SLCO3A1: variants seen among roughly 807,000 people sequenced by gnomAD.
SLCO3A1 encodes PGE1 transporter.
SLCO3A1 carries 27 observed loss-of-function variants against 63.1 expected under a neutral mutation model. The observed-to-expected ratio is 0.43, with a 90% CI of 0.32 to 0.59. SLCO3A1 has a LOEUF of 0.59. Among genes scored for constraint, SLCO3A1 ranks in the 20% least tolerant of loss-of-function variants. The probability of loss-of-function intolerance (pLI) is 0.09; values close to 1 mark genes in which losing one functional copy is unlikely to be tolerated. For synonymous variants in SLCO3A1, 473 were observed against 409.9 expected, an observed-to-expected ratio of 1.15 and a Z score of -1.86; for missense variants, 773 against 945.8, an observed-to-expected ratio of 0.82 and a Z score of 2.40.
intron 9 of SLCO3A1, chr15:92,157,344 C>CCATCATCAAG (rs2048383531): frequency 6.6e-6 from 1 of 152,134 alleles, no homozygotes; most frequent in African/African-American, 2.4e-5. Context: ...AAATACACCA[C>CCATCATCAAG]CATCATCAAG....
chr15:92,090,921 C>CAGA (rs1225576705), intron 2 of SLCO3A1, among the ~76,000 whole-genome samples: 1 of 152,212 alleles, frequency 6.6e-6, no homozygotes, highest in African/African-American at 2.4e-5. Context: ...CCCCACTTTA[C>CAGA]AGAAGAAGAA....
chr15:91,929,964 T>C (rs1899166984), intron 2 of SLCO3A1, among the ~76,000 whole-genome samples: 1 of 152,192 alleles, frequency 6.6e-6, no homozygotes, highest in African/African-American at 2.4e-5. Context: ...TTGGGTTGTT[T>C]CCACCTCTTG....
At chr15:91,871,235 T>G (rs1345803196) in intron 1 of SLCO3A1, among the ~76,000 whole-genome samples, 10 of 152,220 alleles carry the variant, frequency 6.6e-5, no homozygotes, top group Non-Finnish European at 1.3e-4. Context: ...TGAAGACTTA[T>G]GAAATGTCTT....
chr15:92,010,607 C>A (rs1201160835), intron 2 of SLCO3A1, among the ~76,000 whole-genome samples: 2 of 152,106 alleles, frequency 1.3e-5, no homozygotes, highest in Non-Finnish European at 2.9e-5. Flanking sequence ...TGCCATTGTC[C>A]TTACCTGTCT....
Position 92,164,123 on chromosome 15 carries a change from TA to T in SLCO3A1, c.*990del, listed in dbSNP as rs1174845660. 1 of 981,632 alleles carries T rather than the reference TA, an allele frequency of 1.0e-6. No individual in the cohort carries two copies. The highest frequency in any genetic ancestry group is 1.2e-6 in the Non-Finnish European group (1 of 826,548). 60.8% of individuals were successfully genotyped at this position (981,632 alleles called of 1,614,324 possible). ...TTTTAACTACTTCTAAAATCTGTGT[TA>T]ACCCTTCAAGTCACTAACACAGTTC... On this transcript the variant is annotated 3_prime_UTR_variant, in exon 10 of 10. Transcript: ENST00000318445.
intron 2 of SLCO3A1, among the ~76,000 whole-genome samples, chr15:91,919,056 C>G (rs961909359): frequency 2.6e-5 from 4 of 152,196 alleles, no homozygotes; most frequent in Non-Finnish European, 4.4e-5. Context: ...CAGCAGGGAA[C>G]AGAATGATCA....
chr15:91,960,882 T>G (rs1429692312), intron 2 of SLCO3A1, among the ~76,000 whole-genome samples: 1 of 152,198 alleles, frequency 6.6e-6, no homozygotes, highest in Non-Finnish European at 1.5e-5. Context: ...TTCCTTTGAG[T>G]GTCATGTCAG....
intron 4 of SLCO3A1, among the ~76,000 whole-genome samples, chr15:92,112,194 G>A (rs1311585719): frequency 3.9e-5 from 6 of 152,216 alleles, no homozygotes; most frequent in Admixed American, 2.0e-4. Context: ...ACAGGGATGA[G>A]CAGAGACACA....
At chr15:91,861,089 G>A (rs546043227) in intron 1 of SLCO3A1, among the ~76,000 whole-genome samples, 1 of 152,348 alleles carries the variant, frequency 6.6e-6, no homozygotes, top group South Asian at 2.1e-4. Flanking sequence ...TCAGGTGGCA[G>A]TGTATGTTTT....
chr15:91,927,081 G>A (rs1293705230), intron 2 of SLCO3A1, among the ~76,000 whole-genome samples: 1 of 152,102 alleles, frequency 6.6e-6, no homozygotes, highest in Non-Finnish European at 1.5e-5. Context: ...ACTTACAACA[G>A]GAAGCATATA....
intron 2 of SLCO3A1, among the ~76,000 whole-genome samples, chr15:92,028,908 AGTGTGTGTGTGTGT>A (rs61238614): frequency 7.5e-5 from 9 of 120,138 alleles, no homozygotes; most frequent in African/African-American, 1.7e-4. Flanking sequence ...TGCAGGCACA[AGTGTGTGTGTGTGT>A]GTGTGTGTGT....
rs1294973430 is a variant in SLCO3A1, at chr15:91,942,822, C to T, written c.646+26364C>T. 2.0e-5 allele frequency among the ~76,000 whole-genome samples: 3 copies of T among 152,200 alleles called. No homozygotes were observed. The highest frequency in any genetic ancestry group is 2.0e-4 in the Admixed American group (3 of 15,290). On this transcript the variant is annotated intron_variant, in intron 2 of 9. Coordinates refer to ENST00000318445, the MANE Select transcript of SLCO3A1 (RefSeq NM_013272.4). This position sits in a 1 kb window ranked among gnomAD's most constrained non-coding sequence, Gnocchi z 4.1. ...AGTGATCAGGTCACTGATCACTCCT[C>T]CCAAGGAGCTGGAATTACAGGCATG...
intron 2 of SLCO3A1, among the ~76,000 whole-genome samples, chr15:91,976,299 T>G (rs1901107296): frequency 1.3e-5 from 2 of 152,242 alleles, no homozygotes; most frequent in South Asian, 4.1e-4. Flanking sequence ...GACCATGCAT[T>G]GAAATGACAC....
At chr15:91,881,213 A>T (rs1464972647) in intron 1 of SLCO3A1, among the ~76,000 whole-genome samples, 2 of 152,106 alleles carry the variant, frequency 1.3e-5, no homozygotes, top group East Asian at 1.9e-4. Flanking sequence ...CTGAACCCTT[A>T]TTCTAGGACA....
chr15:91,929,782 CGTAGA>C (rs1221197225), intron 2 of SLCO3A1, among the ~76,000 whole-genome samples: 1 of 152,180 alleles, frequency 6.6e-6, no homozygotes, highest in Non-Finnish European at 1.5e-5. Flanking sequence ...CAGATAAGAT[CGTAGA>C]GTATCTGTCT....
intron 3 of SLCO3A1, among the ~76,000 whole-genome samples, chr15:92,101,547 C>T (rs1270179168): frequency 6.6e-6 from 1 of 152,060 alleles, no homozygotes; most frequent in Non-Finnish European, 1.5e-5. Flanking sequence ...TAGAGATGGA[C>T]AGAGGCAAGA....
At chr15:92,102,100 C>G (rs1207352508) in intron 3 of SLCO3A1, among the ~76,000 whole-genome samples, 1 of 152,112 alleles carries the variant, frequency 6.6e-6, no homozygotes, top group Non-Finnish European at 1.5e-5. Context: ...CATCTGCCAG[C>G]TTTTCAATTC....
chr15:91,856,426 C>T lies in SLCO3A1; in HGVS notation c.180+2338C>T, dbSNP rs547463627. ...TAGTTGGCTTGTCAGGGTTGACTGA[C>T]GCAGCTTGCTATGGGCTTTGCTCTT... On this transcript the variant is annotated intron_variant, in intron 1 of 9. Transcript: ENST00000318445. This position sits in a 1 kb window ranked among gnomAD's most constrained non-coding sequence, Gnocchi z 4.9. Among the ~76,000 whole-genome samples the T allele has an allele frequency of 4.6e-5, 7 of 152,278 alleles. No homozygotes were observed. In the South Asian group the frequency reaches 8.3e-4, roughly 18 times the overall value.
chr15:92,093,110 G>C (rs982475871), intron 2 of SLCO3A1, among the ~76,000 whole-genome samples: 9 of 152,330 alleles, frequency 5.9e-5, no homozygotes, highest in Admixed American at 2.6e-4. Context: ...GGGTTCCCGT[G>C]TGTAAATGTG....
Sources: allele counts gnomAD v4.1 joint callset (sites outside exome capture counted in the v4.1 genomes callset), GRCh38; gene constraint gnomAD v4.1.1; non-coding constraint Gnocchi (gnomAD v3.1); transcripts MANE v1.5; gene names NCBI Gene and HGNC (gene_info 2026-07-23, HGNC 2026-07-21).